SUCLG2: variants seen among roughly 807,000 people sequenced by gnomAD.
The protein encoded by SUCLG2 is succinate-CoA ligase GDP-forming subunit beta.
In SUCLG2, 42 loss-of-function variants were observed where a neutral mutation model predicts 47.9. The observed-to-expected ratio is 0.88, with a 90% CI of 0.69 to 1.14. The LOEUF (loss-of-function observed/expected upper bound fraction) is 1.14. Among genes scored for constraint, SUCLG2 ranks in the 50% most tolerant of loss-of-function variants. The pLI is 0.00. For synonymous variants in SUCLG2, 195 were observed against 197.3 expected, an observed-to-expected ratio of 0.99 and a Z score of 0.10; for missense variants, 571 against 525.9, an observed-to-expected ratio of 1.09 and a Z score of -0.84.
intron 9 of SUCLG2, among the ~76,000 whole-genome samples, chr3:67,466,578 T>C (rs946880673): frequency 5.3e-5 from 8 of 152,218 alleles, no homozygotes; most frequent in African/African-American, 1.9e-4. Flanking sequence ...GTTGTGCTAT[T>C]ACTAACATGG....
chr3:67,515,207 C>T (rs1424879662), intron 6 of SUCLG2, among the ~76,000 whole-genome samples: 1 of 152,132 alleles, frequency 6.6e-6, no homozygotes, highest in East Asian at 1.9e-4. Flanking sequence ...TAATATCTTA[C>T]TGTACCTAAT....
Position 67,478,613 on chromosome 3 carries a change from A to G in SUCLG2, c.1062+17185T>C, listed in dbSNP as rs573742514. ...TTTCATTAACATGTTATGTAGTATC[A>G]TACGTCAAAGTTGCATCACATACAC... is the stretch of plus-strand genomic sequence containing the variant. On this transcript the variant is annotated intron_variant, in intron 9 of 10. Coordinates refer to ENST00000307227, the MANE Select transcript of SUCLG2 (RefSeq NM_003848.4). Among the ~76,000 whole-genome samples, 5 of 152,370 alleles carry G rather than the reference A, an allele frequency of 3.3e-5. No homozygotes were observed. In the East Asian group the frequency reaches 9.6e-4, roughly 29 times the overall value.
intron 2 of SUCLG2, among the ~76,000 whole-genome samples, chr3:67,573,637 G>C (rs1337277427): frequency 6.6e-6 from 1 of 152,122 alleles, no homozygotes; most frequent in African/African-American, 2.4e-5. Context: ...TGCCCACTGG[G>C]GTACAGCCTC....
intron 1 of SUCLG2, among the ~76,000 whole-genome samples, chr3:67,639,263 A>G (rs893088738): frequency 3.7e-4 from 57 of 152,242 alleles, no homozygotes; most frequent in Non-Finnish European, 1.5e-4. Context: ...GTGGATTTAA[A>G]TATTTTTAAT....
At chr3:67,589,116 C>A (rs944424070) in intron 2 of SUCLG2, among the ~76,000 whole-genome samples, 1 of 152,128 alleles carries the variant, frequency 6.6e-6, no homozygotes, top group Admixed American at 6.5e-5. Flanking sequence ...TGTGATCCAC[C>A]CACTTGGAAT....
At chr3:67,535,733 A>G (rs1280664952) in intron 2 of SUCLG2, among the ~76,000 whole-genome samples, 2 of 152,186 alleles carry the variant, frequency 1.3e-5, no homozygotes, top group African/African-American at 4.8e-5. Context: ...GCTGGACACA[A>G]TGCAGAGAAG....
intron 6 of SUCLG2, among the ~76,000 whole-genome samples, chr3:67,511,089 A>ACG (rs1272418029): frequency 1.3e-5 from 2 of 152,018 alleles, no homozygotes; most frequent in East Asian, 3.9e-4. Context: ...GGTTTTCACC[A>ACG]CGTTGGCCAG....
At chr3:67,586,732 G>A (rs1017692832) in intron 2 of SUCLG2, among the ~76,000 whole-genome samples, 14 of 152,196 alleles carry the variant, frequency 9.2e-5, no homozygotes, top group African/African-American at 3.4e-4. Flanking sequence ...TAGGAACACA[G>A]ACTGGGACAG....
chr3:67,514,024 A>G (rs1575746859), intron 6 of SUCLG2: 1 of 346,488 alleles, frequency 2.9e-6, no homozygotes, highest in Non-Finnish European at 5.7e-6. Context: ...ATCCCTGGAA[A>G]CCCAGCAGGC....
At chr3:67,361,889 G>A (rs890865776) in intron 10 of SUCLG2, among the ~76,000 whole-genome samples, 2 of 152,060 alleles carry the variant, frequency 1.3e-5, no homozygotes, top group African/African-American at 4.8e-5. Flanking sequence ...GGATGGTGAG[G>A]GGAACATGCC....
chr3:67,426,621 C>A (rs1316792278), intron 9 of SUCLG2, among the ~76,000 whole-genome samples: 1 of 152,110 alleles, frequency 6.6e-6, no homozygotes, highest in Non-Finnish European at 1.5e-5. Context: ...GCATGACACT[C>A]TTTTCTGCTA....
rs756932783 is a variant in SUCLG2, at chr3:67,520,550, C to A, written c.502G>T (p.Val168Leu). ...MDRSCNGPVL[V>L]GSPQGGVDIE... ...TCGACGCCCCCCTGGGGGCTGCCCA[C>A]CAGCACGGGGCCATTGCAGGACCGG... is the stretch of plus-strand genomic sequence containing the variant. The change falls in exon 5 of 11, where the codon GTG (valine) becomes TTG (leucine). Residue 168 changes from valine to leucine, a missense_variant. Coordinates refer to ENST00000307227, the MANE Select transcript of SUCLG2 (RefSeq NM_003848.4). The A allele has an allele frequency of 6.8e-6, 11 of 1,614,082 alleles. No individual in the cohort carries two copies. Among genetic ancestry groups the A allele is most frequent in the Non-Finnish European group, 9.3e-6 (11 of 1,180,034 alleles).
intron 2 of SUCLG2, among the ~76,000 whole-genome samples, chr3:67,532,183 T>A (rs938853746): frequency 6.6e-6 from 1 of 152,246 alleles, no homozygotes; most frequent in African/African-American, 2.4e-5. Flanking sequence ...TCACCCAGGC[T>A]GGAGTGCAGT....
At chr3:67,434,815 T>C (rs112760031) in intron 9 of SUCLG2, among the ~76,000 whole-genome samples, 6,051 of 152,330 alleles carry the variant, frequency 0.04, 200 homozygotes, top group South Asian at 0.12. Flanking sequence ...ATTTCTTTTC[T>C]CTTTTCATTC....
At chr3:67,409,565 A>G (rs1275689167) in intron 9 of SUCLG2, among the ~76,000 whole-genome samples, 2 of 152,164 alleles carry the variant, frequency 1.3e-5, no homozygotes, top group African/African-American at 2.4e-5. Context: ...ATGCAAGTGT[A>G]TAATACATTT....
chr3:67,421,478 T>G (rs761772022), intron 9 of SUCLG2, among the ~76,000 whole-genome samples: 1 of 152,184 alleles, frequency 6.6e-6, no homozygotes, highest in African/African-American at 2.4e-5. Context: ...GTACAGGACC[T>G]TGGACACATC....
chr3:67,591,704 T>G (rs1708171324), intron 2 of SUCLG2, among the ~76,000 whole-genome samples: 1 of 152,108 alleles, frequency 6.6e-6, no homozygotes, highest in African/African-American at 2.4e-5. Context: ...TTCTTCCCAG[T>G]CTCGGGTATG....
intron 9 of SUCLG2, among the ~76,000 whole-genome samples, chr3:67,408,059 A>ATCTTGGGC (rs1702854883): frequency 6.6e-6 from 1 of 152,194 alleles, no homozygotes; most frequent in South Asian, 2.1e-4. Flanking sequence ...GAGGAATTCA[A>ATCTTGGGC]TCTTGGGCTT....
intron 9 of SUCLG2, among the ~76,000 whole-genome samples, chr3:67,434,274 C>T (rs9836868): frequency 0.032 from 4,901 of 152,212 alleles, 271 homozygotes; most frequent in African/African-American, 0.11. Context: ...GTCCGTTATC[C>T]CAGCACTTCG....
Sources: gnomAD v4.1 joint callset for allele counts (sites outside exome capture counted in the v4.1 genomes callset) on GRCh38, gnomAD v4.1.1 for gene constraint, MANE v1.5 for transcripts, NCBI Gene and HGNC (gene_info 2026-07-23, HGNC 2026-07-21) for gene names.